The following FASN variants were observed in gnomAD, a reference collection of about 807,000 sequenced individuals.
The protein encoded by FASN is 3-hydroxyacyl-[acyl-carrier-protein] dehydratase.
FASN carries 50 observed loss-of-function variants against 250.0 expected under a neutral mutation model. The observed-to-expected ratio is 0.20, with a 90% CI of 0.16 to 0.25. The LOEUF (loss-of-function observed/expected upper bound fraction) is 0.25, where lower values mean the gene tolerates loss of function less well. FASN is among the 10% of genes least tolerant of loss of function. The pLI is 1.00. For missense variants in FASN, 3,031 were observed against 3,498.5 expected (o/e 0.87, Z 3.37); for synonymous variants, 1,909 against 1,584.0 (o/e 1.21, Z -4.87).
chr17:82,089,212 C>G (rs199655548), intron 13 of FASN, 38 bp downstream of exon 13: 2 of 1,607,598 alleles, frequency 1.2e-6, no homozygotes, highest in East Asian at 2.3e-5. Context: ...TGTGGGTCCC[C>G]TGGCCCGCCC....
chr17:82,079,661 C>T (rs2033953199), intron 41 of FASN, 53 bp from the exon 42 acceptor site: 5 of 1,589,404 alleles, frequency 3.1e-6, no homozygotes, highest in Non-Finnish European at 3.4e-6. Context: ...CACCGGCCTG[C>T]CCTGTGCTAC....
chr17:82,096,063 C>A (rs1041740729), intron 2 of FASN, among the ~76,000 whole-genome samples: 1 of 152,240 alleles, frequency 6.6e-6, no homozygotes, highest in Non-Finnish European at 1.5e-5. Flanking sequence ...ATTGGGGGAG[C>A]CTCCTGTTGG....
chr17:82,081,026 G>C, intron 38 of FASN, 104 bp from the exon 39 acceptor site: 1 of 1,393,786 alleles, frequency 7.2e-7, no homozygotes, highest in Non-Finnish European at 9.9e-7. Flanking sequence ...GCTACGTCAG[G>C]TGGGAGTCGG....
At position 82,090,397 on chromosome 17, in the gene FASN, C is replaced by A; in HGVS notation, c.1848G>T (p.Pro616=). 6.3e-7 allele frequency: 1 copy of A among 1,594,468 alleles called. No individual in the cohort carries two copies. Among genetic ancestry groups the A allele is most frequent in the Non-Finnish European group, 8.5e-7 (1 of 1,171,900 alleles). The change falls in exon 11 of 43, where the codon CCG becomes CCT. Residue 616 remains proline, a synonymous_variant. Coordinates refer to ENST00000306749, the MANE Select transcript of FASN (RefSeq NM_004104.5). The part of the protein sequence containing the change: ...RGQCIKEAHL[P]PGAMAAVGLS... The stretch of plus-strand genomic sequence containing the variant: ...TACCCACGGCTGCCATGGCGCCCGG[C>A]GGGAGATGGGCTTCTTTGATGCACT...
chr17:82,093,697 C>A lies in FASN; in HGVS notation c.355G>T (p.Ala119Ser). The A allele has an allele frequency of 6.2e-7, 1 of 1,612,770 alleles. No homozygotes were observed. The highest frequency in any genetic ancestry group is 8.5e-7 in the Non-Finnish European group (1 of 1,179,980). The change falls in exon 4 of 43, where the codon GCC (alanine) becomes TCC (serine). Residue 119 changes from alanine to serine, a missense_variant. Coordinates refer to ENST00000306749, the MANE Select transcript of FASN (RefSeq NM_004104.5). ...AGTGTCTCGGGGTCTCGGCTCAGGG[C>A]CTCCGAGGTCTCAGAGCCGCTCACG... ...VGVSGSETSE[A>S]LSRDPETLVG... is the part of the protein sequence containing the mutation.
intron 4 of FASN, 84 bp from the exon 5 acceptor site, chr17:82,093,503 A>G: frequency 2.8e-5 from 45 of 1,592,202 alleles, no homozygotes; most frequent in Non-Finnish European, 3.9e-5. Flanking sequence ...GGCTGGACAC[A>G]CACTGCACGG....
Position 82,084,720 on chromosome 17 carries a change from G to A in FASN, c.4565-4C>T. 6.4e-7 allele frequency: 1 copy of A among 1,556,864 alleles called. No homozygotes were observed. The highest frequency in any genetic ancestry group is 8.7e-7 in the Non-Finnish European group (1 of 1,150,462). On this transcript the variant is annotated splice_polypyrimidine_tract_variant and splice_region_variant and intron_variant, in intron 26 of 42. Transcript: ENST00000306749. The stretch of plus-strand genomic sequence containing the variant: ...GCCGTCGGCTCCTCAGGCTTGTCTA[G>A]GGAAACAGGGAGGTGGGGCTGCTGC...
At position 82,089,304 on chromosome 17, in the gene FASN, G is replaced by A. The variant is rs778418702; in HGVS notation, c.2046C>T (p.Phe682=). 9.9e-6 allele frequency: 16 copies of A among 1,612,644 alleles called. No individual in the cohort carries two copies. The African/African-American group carries it at 1.9e-4, about 19-fold the overall frequency. ...CGATGGCCTCCATGAAGTAGGAGTGGAAGGCCATACCGCCGGTCCGCACCT... is the reference window on the plus strand; with the variant it reads ...CGATGGCCTCCATGAAGTAGGAGTGAAAGGCCATACCGCCGGTCCGCACCT... ...AKEVRTGGMA[F]HSYFMEAIAP... is the part of the protein sequence containing the mutation. The change falls in exon 13 of 43, where the codon TTC becomes TTT. Residue 682 remains phenylalanine (F), a synonymous_variant. Transcript: ENST00000306749.
Position 82,093,029 on chromosome 17 carries a change from G to A in FASN, c.656-10C>T, listed in dbSNP as rs2034241078. The A allele has an allele frequency of 3.7e-6, 6 of 1,611,496 alleles. No homozygotes were observed. Among genetic ancestry groups the A allele is most frequent in the Admixed American group, 3.3e-5 (2 of 59,982 alleles). ...CGGCAGTACCCATTCCCTGGGTAGA[G>A]CAGCACCTCAGGCCCGGGGCTCAGC... On this transcript the variant is annotated splice_polypyrimidine_tract_variant and intron_variant, in intron 5 of 42. Transcript: ENST00000306749.
At chr17:82,089,480 G>A (rs2034164101) in intron 12 of FASN, 96 bp from the exon 13 acceptor site, 2 of 1,602,492 alleles carry the variant, frequency 1.2e-6, no homozygotes, top group Non-Finnish European at 1.7e-6. Flanking sequence ...AGGGAACCGA[G>A]AGGGAATGGG....
chr17:82,094,344 C>T (rs1052586694), intron 3 of FASN, among the ~76,000 whole-genome samples: 2 of 151,948 alleles, frequency 1.3e-5, no homozygotes, highest in African/African-American at 2.4e-5. Context: ...GGGCTTCCAC[C>T]TCTCGGCCAG....
rs375789629 is a variant in FASN at position 82,081,192 on chromosome 17, C to T, written c.6567G>A (p.Glu2189=). The T allele has an allele frequency of 6.3e-7, 1 of 1,594,246 alleles. No individual in the cohort carries two copies. The highest frequency in any genetic ancestry group is 8.5e-7 in the Non-Finnish European group (1 of 1,171,502). The change falls in exon 38 of 43, where the codon GAG becomes GAA. Residue 2189 remains glutamate (E), a synonymous_variant. Transcript: ENST00000306749. The stretch of plus-strand genomic sequence containing the variant: ...TGGCCTCATCCGCCTTTGAGGACAG[C>T]TCCTGCAGTTTCCGGAGCGTGAGTT... ...VRQLTLRKLQ[E]LSSKADEASE...
Position 82,085,515 on chromosome 17 carries a change from A to G in FASN, c.4089T>C (p.Thr1363=). 1.9e-6 allele frequency: 3 copies of G among 1,595,494 alleles called. No homozygotes were observed. Among genetic ancestry groups the G allele is most frequent in the Non-Finnish European group, 2.6e-6 (3 of 1,171,858 alleles). Residue 1363 remains threonine, a synonymous_variant, in exon 23 of 43, where the codon ACT becomes ACC. Coordinates refer to ENST00000306749, the MANE Select transcript of FASN (RefSeq NM_004104.5). ...LGDIVAFLTS[T]EPQYGQGILS... ...GGATGCCCTGGCCATACTGCGGCTC[A>G]GTGGAGGTGAGGAAGGCCACGATGT... is the stretch of plus-strand genomic sequence containing the variant.
Position 82,092,448 on chromosome 17 carries a change from C to T in FASN, c.1029+7G>A, listed in dbSNP as rs899281597. On this transcript the variant is annotated splice_region_variant and intron_variant, in intron 8 of 42. Coordinates refer to ENST00000306749, the MANE Select transcript of FASN (RefSeq NM_004104.5). ...CCTGAGGGACCCCCAAGCCCAGCCC[C>T]ACCTACCTTGGCCAGGGCTGCCAGC... 8 of 1,565,578 alleles carry T rather than the reference C, an allele frequency of 5.1e-6. No individual in the cohort carries two copies. In the Admixed American group the frequency reaches 1.1e-4, roughly 22 times the overall value.
intron 32 of FASN, 42 bp from the exon 33 acceptor site, chr17:82,083,157 G>C (rs777130191): frequency 9.9e-6 from 16 of 1,610,728 alleles, no homozygotes; most frequent in African/African-American, 4.0e-5. Context: ...ACTGCCTGGG[G>C]ACCAGAGCCT....
At chr17:82,088,713 G>A (rs1409561360) in intron 15 of FASN, 48 bp downstream of exon 15, 8 of 1,564,082 alleles carry the variant, frequency 5.1e-6, no homozygotes, top group African/African-American at 2.7e-5. Context: ...CCCACCCCAC[G>A]CCGTCCCCGA....
At chr17:82,096,763 G>A (rs1320197688) in intron 1 of FASN, 1 of 421,180 alleles carries the variant, frequency 2.4e-6, no homozygotes, top group Non-Finnish European at 4.5e-6. Flanking sequence ...ACTGGTTTCT[G>A]CGCCTGTGTC....
chr17:82,095,660 G>A (rs1020406233), intron 2 of FASN, among the ~76,000 whole-genome samples, 188 bp from the exon 3 acceptor site: 16 of 152,162 alleles, frequency 1.1e-4, no homozygotes, highest in Non-Finnish European at 1.2e-4. Flanking sequence ...GGACTGGTAC[G>A]ACCAGATCTG....
chr17:82,089,960 C>T (rs1327358233), intron 11 of FASN, among the ~76,000 whole-genome samples: 2 of 152,328 alleles, frequency 1.3e-5, no homozygotes, highest in East Asian at 3.9e-4. Flanking sequence ...CAGATGGTGG[C>T]CCCCTCAGTC....
Sources: allele counts gnomAD v4.1 joint callset (sites outside exome capture counted in the v4.1 genomes callset), GRCh38; gene constraint gnomAD v4.1.1; transcripts MANE v1.5; gene names NCBI Gene and HGNC (gene_info 2026-07-23, HGNC 2026-07-21).